The following DCAF5 variants were observed in gnomAD, a reference collection of about 807,000 sequenced individuals.
DCAF5 encodes DDB1- and CUL4-associated factor 5.
Under a neutral mutation model 80.7 loss-of-function variants are expected in DCAF5, and 9 were observed. The observed-to-expected ratio is 0.11, with a 90% confidence interval of 0.07 to 0.19. The LOEUF (loss-of-function observed/expected upper bound fraction) is 0.19, where lower values mean the gene tolerates loss of function less well. DCAF5 is among the 10% of genes least tolerant of loss of function. The pLI, the probability that DCAF5 is intolerant of heterozygous loss-of-function variation, is 1.00. For missense variants in DCAF5, 842 were observed against 1,205.7 expected, an observed-to-expected ratio of 0.70 and a Z score of 4.47; for synonymous variants, 433 against 461.9, an observed-to-expected ratio of 0.94 and a Z score of 0.80.
At chr14:69,089,341 TCTAA>T (rs1008319128) in intron 6 of DCAF5, 10 of 152,248 alleles carry the variant, frequency 6.6e-5, no homozygotes, top group Admixed American at 3.9e-4. Flanking sequence ...TTTATATACC[TCTAA>T]CTATTTCAGG....
At position 69,055,101 on chromosome 14, in the gene DCAF5, T is replaced by G. The variant is rs762408048; in HGVS notation, c.1585A>C (p.Asn529His). The G allele has an allele frequency of 6.2e-7, 1 of 1,614,108 alleles. No homozygotes were observed. The highest frequency in any genetic ancestry group is 8.5e-7 in the Non-Finnish European group (1 of 1,180,012). The change falls in exon 9 of 9, where the codon AAT (asparagine) becomes CAT (histidine). Residue 529 changes from asparagine (N) to histidine (H), a missense_variant. Around this residue, in one of 5 missense-constraint regions of DCAF5, gnomAD observed 607 missense variants for 656.6 expected, o/e 0.92. Transcript: ENST00000341516. The surrounding 1 kb of genome is among the most constrained non-coding windows in gnomAD (Gnocchi z 5.6). ...YQDKRLLALS[N>H]ESDSEENVCE... ...ACATTCTCCTCAGAATCGGACTCAT[T>G]GGAAAGGGCCAGGAGGCGTTTGTCT...
At chr14:69,090,627 C>G (rs1369502016) in intron 6 of DCAF5, 1 of 155,078 alleles carries the variant, frequency 6.4e-6, no homozygotes, top group African/African-American at 2.4e-5. Flanking sequence ...TCTAGCAACC[C>G]CCATCTAAGG....
intron 6 of DCAF5, among the ~76,000 whole-genome samples, chr14:69,077,763 TCCTG>T (rs2038956394): frequency 6.6e-6 from 1 of 152,138 alleles, no homozygotes; most frequent in Non-Finnish European, 1.5e-5. Context: ...ACACACAACC[TCCTG>T]CCTAACATAA....
chr14:69,082,107 A>G (rs1185556217), intron 6 of DCAF5, among the ~76,000 whole-genome samples: 1 of 152,200 alleles, frequency 6.6e-6, no homozygotes, highest in Admixed American at 6.5e-5. Context: ...AAACTTTGTG[A>G]TATGCTCTCT....
At chr14:69,151,859 G>A (rs1425817769) in intron 1 of DCAF5, among the ~76,000 whole-genome samples, 1 of 152,164 alleles carries the variant, frequency 6.6e-6, no homozygotes, top group African/African-American at 2.4e-5. Flanking sequence ...CCGCCCGGCC[G>A]GAGCCCCGGC....
chr14:69,118,429 TAG>T lies in DCAF5; in HGVS notation c.396-153_396-152del. ...AAAAAATATTATATTTCCTGAAAGG[TAG>T]GTAGTCAACTTTCAGGTTAAAAAAA... On this transcript the variant is annotated intron_variant, in intron 3 of 8. Transcript: ENST00000341516. This position sits in a 1 kb window ranked among gnomAD's most constrained non-coding sequence, Gnocchi z 4.0. 1.4e-6 allele frequency: 1 copy of T among 731,776 alleles called. No individual in the cohort carries two copies. Among genetic ancestry groups the T allele is most frequent in the Non-Finnish European group, 2.1e-6 (1 of 486,142 alleles). The allele number at this position is 731,776 out of a possible 1,614,324, so 45.3% of individuals were successfully genotyped here. A position where few individuals can be genotyped will look rare whatever the true frequency, so the allele number is the denominator to read the frequency against.
At chr14:69,136,869 G>A (rs887112370) in intron 1 of DCAF5, among the ~76,000 whole-genome samples, 4 of 151,884 alleles carry the variant, frequency 2.6e-5, no homozygotes, top group Non-Finnish European at 2.9e-5. Flanking sequence ...AATATGCAAC[G>A]AAATATGAAA....
At chr14:69,073,172 A>G (rs1355769944) in intron 7 of DCAF5, among the ~76,000 whole-genome samples, 4 of 152,232 alleles carry the variant, frequency 2.6e-5, no homozygotes, top group African/African-American at 7.2e-5. Context: ...AGGAATTGAC[A>G]TAACTATTTT....
At chr14:69,073,864 T>G (rs2038798858) in intron 7 of DCAF5, among the ~76,000 whole-genome samples, 2 of 152,174 alleles carry the variant, frequency 1.3e-5, no homozygotes, top group African/African-American at 4.8e-5. Context: ...ACCCAAAGAT[T>G]ACTTCTCAAC....
At chr14:69,063,117 C>A (rs1420185708) in intron 7 of DCAF5, among the ~76,000 whole-genome samples, 1 of 152,194 alleles carries the variant, frequency 6.6e-6, no homozygotes, top group Non-Finnish European at 1.5e-5. Flanking sequence ...GGATCACTTT[C>A]ATAATAAGCA....
In DCAF5 at chr14:69,054,012, T is replaced by A. The variant is rs773616880; in HGVS notation, c.2674A>T (p.Thr892Ser). Residue 892 changes from threonine to serine, a missense_variant, in exon 9 of 9, where the codon ACC becomes TCC. Thr to Ser is a moderately conservative substitution (Grantham distance 58). Around this residue, in one of 5 missense-constraint regions of DCAF5, gnomAD observed 607 missense variants for 656.6 expected, o/e 0.92. Transcript: ENST00000341516. ...TCCTCTCTTGTTCCAGCATTGGGGG[T>A]CTCACAGGCCATTTCAGACCCGCAA... Reference protein sequence around the residue: ...DCCGSEMACETPNAGTREDPT... With the variant: ...DCCGSEMACESPNAGTREDPT... 6 of 1,612,244 alleles carry A rather than the reference T, an allele frequency of 3.7e-6. No individual in the cohort carries two copies. In the East Asian group the frequency reaches 1.3e-4, roughly 36 times the overall value.
At position 69,152,450 on chromosome 14, in the gene DCAF5, CTT is replaced by C. The variant is rs1360065004; in HGVS notation, c.214+313_214+314del. ...CGCGGAGGAAGAGTTTGCCGTCAAA[CTT>C]TGTAGAGCGGTAACCTCGCCCCCCT... On this transcript the variant is annotated intron_variant, in intron 1 of 8. Transcript: ENST00000341516. The surrounding 1 kb of genome is among the most constrained non-coding windows in gnomAD (Gnocchi z 4.1). 3.6e-6 allele frequency: 1 copy of C among 275,602 alleles called. No homozygotes were observed. The highest frequency in any genetic ancestry group is 2.2e-5 in the African/African-American group (1 of 45,314). The allele number at this position is 275,602 out of a possible 1,614,324, so 17.1% of individuals were successfully genotyped here.
intron 7 of DCAF5, among the ~76,000 whole-genome samples, chr14:69,068,496 C>T (rs1050088744): frequency 1.3e-5 from 2 of 151,982 alleles, no homozygotes; most frequent in South Asian, 2.1e-4. Flanking sequence ...GTCGGGAGTT[C>T]GAGACCAGCC....
chr14:69,107,337 C>T (rs1437029071), intron 5 of DCAF5, among the ~76,000 whole-genome samples: 3 of 152,152 alleles, frequency 2.0e-5, no homozygotes, highest in African/African-American at 4.8e-5. Flanking sequence ...TCAACATGGA[C>T]CTCTCTGATT....
chr14:69,136,113 CTTTT>C (rs35359938), intron 1 of DCAF5, among the ~76,000 whole-genome samples: 4 of 125,286 alleles, frequency 3.2e-5, no homozygotes, highest in East Asian at 4.6e-4. Flanking sequence ...ATGTGTAAAA[CTTTT>C]TTTTTTTTTT....
intron 1 of DCAF5, among the ~76,000 whole-genome samples, chr14:69,133,436 T>C (rs2041098289): frequency 6.6e-6 from 1 of 152,178 alleles, no homozygotes; most frequent in Non-Finnish European, 1.5e-5. Flanking sequence ...AGACTCAAGA[T>C]TGCCAGATCT....
intron 5 of DCAF5, among the ~76,000 whole-genome samples, chr14:69,112,243 GT>G (rs1473625444): frequency 6.6e-6 from 1 of 152,142 alleles, no homozygotes. Flanking sequence ...GTTATAAAAG[GT>G]AAGAAGTTTG....
chr14:69,097,582 A>ATTTT (rs755644268), intron 5 of DCAF5, among the ~76,000 whole-genome samples: 7 of 125,298 alleles, frequency 5.6e-5, no homozygotes, highest in Non-Finnish European at 8.2e-5. Flanking sequence ...TATTATTATT[A>ATTTT]TTTTTTTTTT....
At chr14:69,138,600 G>A (rs564962642) in intron 1 of DCAF5, among the ~76,000 whole-genome samples, 1 of 152,346 alleles carries the variant, frequency 6.6e-6, no homozygotes, top group South Asian at 2.1e-4. Context: ...CCTATTGAGG[G>A]AAAAGGTCAG....
Sources: allele counts gnomAD v4.1 joint callset (sites outside exome capture counted in the v4.1 genomes callset), GRCh38; gene constraint gnomAD v4.1.1; regional missense constraint gnomAD v4.1.1; non-coding constraint Gnocchi (gnomAD v3.1); transcripts MANE v1.5; gene names NCBI Gene and HGNC (gene_info 2026-07-23, HGNC 2026-07-21).